Variants in RAI14 observed in about 807,000 individuals in gnomAD.
RAI14 encodes the protein retinoic acid induced 14.
Under a neutral mutation model 115.4 loss-of-function variants are expected in RAI14, and 45 were observed. The ratio of observed to expected loss-of-function variants is 0.39; its 90% CI spans 0.31 to 0.50. The LOEUF is 0.50. Ranked by LOEUF, RAI14 falls within the 20% of genes least tolerant of loss-of-function variation. RAI14 has a pLI of 0.85. For synonymous variants in RAI14, 371 were observed against 415.4 expected, an observed-to-expected ratio of 0.89 and a Z score of 1.30; for missense variants, 939 against 1,131.2, an observed-to-expected ratio of 0.83 and a Z score of 2.44.
chr5:34,730,460 T>G (rs1179910483), intron 2 of RAI14, among the ~76,000 whole-genome samples: 2 of 152,050 alleles, frequency 1.3e-5, no homozygotes, highest in African/African-American at 4.8e-5. Flanking sequence ...GCAGGTCTCT[T>G]GAAGCGGGAG....
rs574470549 is a variant in RAI14, at chr5:34,749,744, C to A, written c.37-7724C>A. ...GGTAAGGGCTCTTTCCCACATGCCG[C>A]CCTTCATAGCTGACACATTACACAT... On this transcript the variant is annotated intron_variant, in intron 2 of 17. Coordinates refer to ENST00000265109, the MANE Select transcript of RAI14 (RefSeq NM_015577.3). 2.5e-4 allele frequency among the ~76,000 whole-genome samples: 38 copies of A among 152,334 alleles called. 1 individual carries two copies. The highest frequency in any genetic ancestry group is 8.9e-4 in the African/African-American group (37 of 41,584).
At chr5:34,771,921 G>A (rs572186215) in intron 3 of RAI14, among the ~76,000 whole-genome samples, 59 of 151,964 alleles carry the variant, frequency 3.9e-4, no homozygotes, top group Non-Finnish European at 7.4e-4. Context: ...GTTTTTTTGG[G>A]ACAGGGTCTT....
chr5:34,666,392 G>T (rs1357237499), intron 1 of RAI14, among the ~76,000 whole-genome samples: 3 of 151,770 alleles, frequency 2.0e-5, no homozygotes, highest in African/African-American at 4.9e-5. Flanking sequence ...TCAGCCCAGT[G>T]GGGGAAATAT....
chr5:34,688,742 C>T (rs779186819), intron 2 of RAI14, among the ~76,000 whole-genome samples: 21 of 151,522 alleles, frequency 1.4e-4, no homozygotes, highest in South Asian at 2.1e-4. Context: ...AGCACAGAAC[C>T]GTACAGCTAA....
chr5:34,783,015 A>G (rs1033965811), intron 3 of RAI14, among the ~76,000 whole-genome samples: 2 of 152,206 alleles, frequency 1.3e-5, no homozygotes, highest in South Asian at 2.1e-4. Flanking sequence ...CAGATTTATA[A>G]TGGTAAATAC....
chr5:34,743,992 A>G (rs1745857504), intron 2 of RAI14, among the ~76,000 whole-genome samples: 1 of 152,242 alleles, frequency 6.6e-6, no homozygotes, highest in Non-Finnish European at 1.5e-5. Context: ...AGACACTTAA[A>G]GTGCACTTAA....
chr5:34,778,372 A>G (rs912053562), intron 3 of RAI14, among the ~76,000 whole-genome samples: 7 of 152,148 alleles, frequency 4.6e-5, no homozygotes, highest in African/African-American at 1.7e-4. Context: ...TTAGGCTGTC[A>G]AAGTGTTATT....
intron 2 of RAI14, among the ~76,000 whole-genome samples, chr5:34,710,921 G>T: frequency 6.6e-6 from 1 of 152,210 alleles, no homozygotes; most frequent in South Asian, 2.1e-4. Context: ...CTTTTATTTG[G>T]GATGCAGTGA....
At chr5:34,754,053 G>T (rs1025840442) in intron 2 of RAI14, among the ~76,000 whole-genome samples, 1 of 151,342 alleles carries the variant, frequency 6.6e-6, no homozygotes, top group African/African-American at 2.4e-5. Context: ...TGCACTCCAG[G>T]CTGGGCAACA....
chr5:34,824,361 C>A lies in RAI14; in HGVS notation c.2519C>A (p.Thr840Asn). 6.2e-7 allele frequency: 1 copy of A among 1,613,780 alleles called. No homozygotes were observed. Among genetic ancestry groups the A allele is most frequent in the Non-Finnish European group, 8.5e-7 (1 of 1,179,676 alleles). Residue 840 changes from threonine to asparagine, a missense_variant, in exon 15 of 18, where the codon ACT becomes AAT. By Grantham distance (65) the Thr-to-Asn change is moderately conservative (BLOSUM62 0). Transcript: ENST00000265109. ...AAAAGAGAAAAGGAAAATATTCAGA[C>A]TCTCTTGAAATCCAAAGAGCAAGAA... The part of the protein sequence containing the change: ...QVKREKENIQ[T>N]LLKSKEQEVN...
intron 1 of RAI14, among the ~76,000 whole-genome samples, chr5:34,674,790 T>C (rs563863543): frequency 6.6e-6 from 1 of 152,078 alleles, no homozygotes; most frequent in Non-Finnish European, 1.5e-5. Flanking sequence ...GGTTTCGCCA[T>C]GTTGACCAGG....
intron 3 of RAI14, among the ~76,000 whole-genome samples, chr5:34,768,501 G>C (rs1430439070): frequency 2.6e-5 from 4 of 152,286 alleles, no homozygotes; most frequent in Non-Finnish European, 4.4e-5. Context: ...TTTACGAAGA[G>C]GGAAGTGGGG....
At chr5:34,820,398 G>C (rs1242427486) in intron 13 of RAI14, among the ~76,000 whole-genome samples, 1 of 152,080 alleles carries the variant, frequency 6.6e-6, no homozygotes, top group East Asian at 1.9e-4. Flanking sequence ...TGGCCAATGT[G>C]GCAAAACCCC....
At chr5:34,751,746 A>G (rs932724036) in intron 2 of RAI14, among the ~76,000 whole-genome samples, 2 of 152,212 alleles carry the variant, frequency 1.3e-5, no homozygotes, top group Non-Finnish European at 2.9e-5. Flanking sequence ...ATTCTAATGC[A>G]TGTCTTATAC....
At chr5:34,796,074 G>A (rs756327779) in intron 4 of RAI14, 47 bp downstream of exon 4, 41 of 1,466,768 alleles carry the variant, frequency 2.8e-5, no homozygotes, top group Non-Finnish European at 3.5e-5. Context: ...CACCAGATTA[G>A]GTATCAAAAA....
At chr5:34,689,911 T>G (rs1738361428) in intron 2 of RAI14, among the ~76,000 whole-genome samples, 1 of 152,044 alleles carries the variant, frequency 6.6e-6, no homozygotes, top group South Asian at 2.1e-4. Context: ...AAAAAAAGAA[T>G]GTCAAAAATC....
At chr5:34,817,583 A>G (rs1756407556) in intron 12 of RAI14, among the ~76,000 whole-genome samples, 2 of 152,222 alleles carry the variant, frequency 1.3e-5, no homozygotes, top group African/African-American at 4.8e-5. Context: ...CCAAATTGGA[A>G]GCAAACCAAA....
At chr5:34,822,132 G>A (rs1201512751) in intron 14 of RAI14, among the ~76,000 whole-genome samples, 1 of 147,692 alleles carries the variant, frequency 6.8e-6, no homozygotes, top group Non-Finnish European at 1.5e-5. Context: ...AAAATTTATA[G>A]AAAAAATTCT....
chr5:34,743,839 CACGTAGAATTT>C (rs770552490), intron 2 of RAI14, among the ~76,000 whole-genome samples: 46 of 152,184 alleles, frequency 3.0e-4, no homozygotes, highest in Non-Finnish European at 6.3e-4. Flanking sequence ...AATTAGCACT[CACGTAGAATTT>C]ATAACTTGAA....
Sources: gnomAD v4.1 joint callset for allele counts (sites outside exome capture counted in the v4.1 genomes callset) on GRCh38, gnomAD v4.1.1 for gene constraint, MANE v1.5 for transcripts, NCBI Gene and HGNC (gene_info 2026-07-23, HGNC 2026-07-21) for gene names.